CDKAL1: variants seen among roughly 807,000 people sequenced by gnomAD.
The protein encoded by CDKAL1 is CDKAL1 threonylcarbamoyladenosine tRNA methylthiotransferase.
In CDKAL1, 32 loss-of-function variants were observed where a neutral mutation model predicts 68.2. The observed-to-expected ratio is 0.47, with a 90% CI of 0.35 to 0.63. The LOEUF is 0.63. Among genes scored for constraint, CDKAL1 ranks in the 30% least tolerant of loss-of-function variants. The probability of loss-of-function intolerance (pLI) is 0.00; values close to 1 mark genes in which losing one functional copy is unlikely to be tolerated. For missense variants in CDKAL1, 606 were observed against 696.7 expected, an observed-to-expected ratio of 0.87 and a Z score of 1.47; for synonymous variants, 234 against 244.3, an observed-to-expected ratio of 0.96 and a Z score of 0.39.
Position 20,913,864 on chromosome 6 carries a change from C to A in CDKAL1, c.743-41555C>A, listed in dbSNP as rs6913538. 5.8e-3 allele frequency among the ~76,000 whole-genome samples: 881 copies of A among 152,214 alleles called. 15 individuals carry two copies. Among genetic ancestry groups the A allele is most frequent in the African/African-American group, 0.02 (819 of 41,538 alleles). On this transcript the variant is annotated intron_variant, in intron 9 of 15. Coordinates refer to ENST00000274695, the MANE Select transcript of CDKAL1 (RefSeq NM_017774.3). ...TAATTAGCTGTGGGTGGTGGCACAC[C>A]ACATAGTCCCAACTACTCAGGAGGC...
At chr6:20,991,829 A>G (rs1365423607) in intron 10 of CDKAL1, among the ~76,000 whole-genome samples, 1 of 151,228 alleles carries the variant, frequency 6.6e-6, no homozygotes, top group Non-Finnish European at 1.5e-5. Flanking sequence ...TAGCCTGGGC[A>G]ACATAGCGAG....
intron 8 of CDKAL1, among the ~76,000 whole-genome samples, chr6:20,809,166 A>G (rs1776690121): frequency 6.6e-6 from 1 of 152,174 alleles, no homozygotes. Context: ...AACTTACTGT[A>G]ACAGACATCT....
intron 4 of CDKAL1, among the ~76,000 whole-genome samples, chr6:20,563,578 C>CT (rs1443154636): frequency 2.6e-5 from 4 of 151,378 alleles, no homozygotes; most frequent in African/African-American, 9.7e-5. Flanking sequence ...AACTCCTGAC[C>CT]TCAACTGATC....
intron 4 of CDKAL1, among the ~76,000 whole-genome samples, chr6:20,557,450 G>A (rs1022489236): frequency 1.8e-4 from 28 of 152,042 alleles, no homozygotes; most frequent in African/African-American, 5.6e-4. Context: ...GAGAAACAAA[G>A]CCTTTCATAC....
chr6:20,761,235 A>G (rs1034737427), intron 7 of CDKAL1, among the ~76,000 whole-genome samples: 3 of 152,248 alleles, frequency 2.0e-5, no homozygotes, highest in Non-Finnish European at 4.4e-5. Context: ...TTAAAACTAT[A>G]CACCTGGTAC....
At chr6:21,092,934 A>G (rs1372836256) in intron 12 of CDKAL1, among the ~76,000 whole-genome samples, 1 of 151,926 alleles carries the variant, frequency 6.6e-6, no homozygotes, top group Non-Finnish European at 1.5e-5. Flanking sequence ...GTAGAACCAA[A>G]AAAAAAAATA....
chr6:21,062,984 G>A (rs751046664), intron 11 of CDKAL1, among the ~76,000 whole-genome samples: 6 of 152,000 alleles, frequency 3.9e-5, no homozygotes, highest in Admixed American at 1.3e-4. Context: ...GCGCGATGTC[G>A]GCTCACTGCA....
At chr6:20,955,133 A>G (rs1049454694) in intron 9 of CDKAL1, among the ~76,000 whole-genome samples, 10 of 152,278 alleles carry the variant, frequency 6.6e-5, no homozygotes, top group African/African-American at 2.4e-4. Context: ...TTTAGTCTTG[A>G]TCAAAGTGCT....
At chr6:20,689,675 G>A (rs901651934) in intron 5 of CDKAL1, among the ~76,000 whole-genome samples, 1 of 151,972 alleles carries the variant, frequency 6.6e-6, no homozygotes, top group Admixed American at 6.6e-5. Context: ...TGGTGTTTTT[G>A]TTATTACTGG....
At chr6:21,204,724 G>A (rs1257866409) in intron 15 of CDKAL1, among the ~76,000 whole-genome samples, 1 of 152,210 alleles carries the variant, frequency 6.6e-6, no homozygotes, top group Non-Finnish European at 1.5e-5. Flanking sequence ...TTTGAAGGTA[G>A]AAGAGGGAAG....
At chr6:20,775,905 T>C (rs370400248) in intron 7 of CDKAL1, among the ~76,000 whole-genome samples, 2 of 152,306 alleles carry the variant, frequency 1.3e-5, no homozygotes, top group South Asian at 2.1e-4. Flanking sequence ...AATTGTTTTA[T>C]TGTTGAAATT....
intron 5 of CDKAL1, among the ~76,000 whole-genome samples, chr6:20,719,264 A>G (rs970632250): frequency 6.6e-6 from 1 of 152,222 alleles, no homozygotes; most frequent in African/African-American, 2.4e-5. Context: ...GTTTTAACTC[A>G]TTACCACAAA....
At chr6:20,676,665 TTAAA>T (rs146546357) in intron 5 of CDKAL1, among the ~76,000 whole-genome samples, 58,778 of 132,454 alleles carry the variant, frequency 0.44, 13,640 homozygotes, top group Non-Finnish European at 0.52. Context: ...AGACTCTGTC[TTAAA>T]TAAATAAATA....
intron 10 of CDKAL1, among the ~76,000 whole-genome samples, chr6:20,959,182 G>A (rs1251721758): frequency 6.6e-6 from 1 of 152,178 alleles, no homozygotes; most frequent in African/African-American, 2.4e-5. Flanking sequence ...AGGCAGACAA[G>A]TAGTGAAGTG....
At chr6:21,000,570 CT>C (rs1767376023) in intron 11 of CDKAL1, among the ~76,000 whole-genome samples, 198 bp downstream of exon 11, 1 of 152,172 alleles carries the variant, frequency 6.6e-6, no homozygotes, top group Non-Finnish European at 1.5e-5. Context: ...CACCTTCCAT[CT>C]GTACATGACA....
chr6:21,133,278 C>T (rs923438438), intron 13 of CDKAL1, among the ~76,000 whole-genome samples: 9 of 152,190 alleles, frequency 5.9e-5, no homozygotes, highest in Non-Finnish European at 8.8e-5. Context: ...CAGATACTGT[C>T]ATCAGTACAA....
chr6:21,134,646 C>T (rs1182050542), intron 13 of CDKAL1, among the ~76,000 whole-genome samples: 1 of 152,054 alleles, frequency 6.6e-6, no homozygotes, highest in African/African-American at 2.4e-5. Context: ...GGCAAATGAT[C>T]ATAGTTTTTG....
chr6:20,956,738 T>C (rs1764795055), intron 10 of CDKAL1, among the ~76,000 whole-genome samples: 1 of 152,194 alleles, frequency 6.6e-6, no homozygotes, highest in South Asian at 2.1e-4. Context: ...TTCCTTAATA[T>C]CAACAACCTA....
At chr6:20,631,226 T>C (rs1374101442) in intron 4 of CDKAL1, among the ~76,000 whole-genome samples, 2 of 152,194 alleles carry the variant, frequency 1.3e-5, no homozygotes, top group Non-Finnish European at 2.9e-5. Context: ...TGTACAACTG[T>C]CCTCCCTACC....
Sources: allele counts gnomAD v4.1 joint callset (sites outside exome capture counted in the v4.1 genomes callset), GRCh38; gene constraint gnomAD v4.1.1; transcripts MANE v1.5; gene names NCBI Gene and HGNC (gene_info 2026-07-23, HGNC 2026-07-21).